KIAA0825: variants seen among roughly 807,000 people sequenced by gnomAD.
KIAA0825 encodes the protein KIAA0825, also known as uncharacterized protein KIAA0825.
In KIAA0825, 119 loss-of-function variants were observed where a neutral mutation model predicts 147.6. That is an observed-to-expected ratio of 0.81 (90% confidence interval 0.69 to 0.94). The LOEUF (loss-of-function observed/expected upper bound fraction) is 0.94. KIAA0825 is among the 40% of genes least tolerant of loss of function. The pLI is 0.00. For missense variants in KIAA0825, 1,381 were observed against 1,472.7 expected (o/e 0.94, Z 1.02); for synonymous variants, 470 against 518.1 (o/e 0.91, Z 1.26).
At chr5:94,181,223 A>G (rs1240057243) in intron 20 of KIAA0825, among the ~76,000 whole-genome samples, 3 of 152,222 alleles carry the variant, frequency 2.0e-5, no homozygotes, top group South Asian at 2.1e-4. Context: ...TGTGAGCATT[A>G]TATCTGGAAC....
intron 20 of KIAA0825, among the ~76,000 whole-genome samples, chr5:94,269,465 A>G (rs752858342): frequency 3.3e-5 from 5 of 152,168 alleles, no homozygotes; most frequent in Non-Finnish European, 5.9e-5. Context: ...TTCTCCAGTC[A>G]GAAGACACAG....
rs70975895 is a variant in KIAA0825, at chr5:94,190,491, A to ATT, written c.3711-36369_3711-36368dup. On this transcript the variant is annotated intron_variant, in intron 20 of 20. Transcript: ENST00000682413. ...CAGGCGCCCGCCACCACGCCCAGCTATTTTTTTTTTTTTTTTTTTTTTTGT... is the reference window on the plus strand; with the variant it reads ...CAGGCGCCCGCCACCACGCCCAGCTATTTTTTTTTTTTTTTTTTTTTTTTTGT... Among the ~76,000 whole-genome samples the ATT allele has an allele frequency of 8.8e-3, 936 of 106,120 alleles. 11 individuals carry two copies. Among genetic ancestry groups the ATT allele is most frequent in the South Asian group, 0.025 (79 of 3,160 alleles). 69.6% of individuals were successfully genotyped at this position (106,120 alleles called of 152,430 possible).
intron 5 of KIAA0825, among the ~76,000 whole-genome samples, chr5:94,488,594 A>C (rs1053617223): frequency 6.6e-6 from 1 of 152,078 alleles, no homozygotes; most frequent in East Asian, 1.9e-4. Flanking sequence ...CTAATATGCA[A>C]TATAAAATAT....
At chr5:94,382,087 A>C (rs1016934399) in intron 20 of KIAA0825, among the ~76,000 whole-genome samples, 16 of 152,242 alleles carry the variant, frequency 1.1e-4, no homozygotes, top group Non-Finnish European at 2.4e-4. Context: ...TTACCAATAA[A>C]AGGAGCAAAA....
chr5:94,473,621 T>TGAA, intron 7 of KIAA0825, 102 bp from the exon 8 acceptor site: 8 of 779,440 alleles, frequency 1.0e-5, no homozygotes, highest in Non-Finnish European at 1.6e-5. Flanking sequence ...ACATGTTGAA[T>TGAA]ATATTCTTTG....
At chr5:94,376,350 C>T (rs1747572860) in intron 20 of KIAA0825, among the ~76,000 whole-genome samples, 1 of 152,090 alleles carries the variant, frequency 6.6e-6, no homozygotes, top group Non-Finnish European at 1.5e-5. Context: ...TGTCCGTGAC[C>T]TTGGGCATGT....
intron 20 of KIAA0825, among the ~76,000 whole-genome samples, chr5:94,286,186 T>C (rs994520209): frequency 6.6e-6 from 1 of 152,122 alleles, no homozygotes; most frequent in Non-Finnish European, 1.5e-5. Context: ...CTGACAACAC[T>C]CATTTGTTTC....
intron 20 of KIAA0825, among the ~76,000 whole-genome samples, chr5:94,259,817 T>C (rs1167719973): frequency 6.6e-6 from 1 of 151,908 alleles, no homozygotes; most frequent in Non-Finnish European, 1.5e-5. Context: ...AATATATTAC[T>C]ATGCATAATC....
intron 20 of KIAA0825, among the ~76,000 whole-genome samples, chr5:94,353,170 CT>C (rs1267355580): frequency 4.6e-5 from 7 of 152,060 alleles, no homozygotes; most frequent in African/African-American, 1.4e-4. Flanking sequence ...CAATTAGCTA[CT>C]TTTTTTAAAA....
chr5:94,232,479 A>G (rs1190194571), intron 20 of KIAA0825, among the ~76,000 whole-genome samples: 3 of 152,066 alleles, frequency 2.0e-5, no homozygotes, highest in African/African-American at 7.2e-5. Flanking sequence ...TCTTATTTGT[A>G]TTGACTTCTG....
chr5:94,492,080 G>A (rs142516483), intron 5 of KIAA0825, among the ~76,000 whole-genome samples: 6 of 152,268 alleles, frequency 3.9e-5, no homozygotes, highest in Non-Finnish European at 7.4e-5. Context: ...ACTCTTAGAA[G>A]CTAAAAGTTG....
chr5:94,371,223 A>G (rs1278818220), intron 20 of KIAA0825, among the ~76,000 whole-genome samples: 2 of 152,202 alleles, frequency 1.3e-5, no homozygotes, highest in Non-Finnish European at 2.9e-5. Flanking sequence ...GGAGAAAAAA[A>G]GCTCAGGTTT....
At chr5:94,406,903 G>A (rs1413784967) in intron 15 of KIAA0825, among the ~76,000 whole-genome samples, 1 of 152,162 alleles carries the variant, frequency 6.6e-6, no homozygotes, top group African/African-American at 2.4e-5. Context: ...CCCTGGAAGA[G>A]CACTGTTCAC....
intron 3 of KIAA0825, among the ~76,000 whole-genome samples, chr5:94,527,656 A>T (rs1231184829): frequency 6.6e-6 from 1 of 152,088 alleles, no homozygotes; most frequent in Non-Finnish European, 1.5e-5. Flanking sequence ...CCACAAAATA[A>T]GTTCAACTTA....
At chr5:94,267,362 A>G (rs1352000470) in intron 20 of KIAA0825, among the ~76,000 whole-genome samples, 1 of 152,242 alleles carries the variant, frequency 6.6e-6, no homozygotes, top group Non-Finnish European at 1.5e-5. Flanking sequence ...AGCACTCTGT[A>G]CTGGAGCATC....
chr5:94,183,149 A>G (rs767481651), intron 20 of KIAA0825, among the ~76,000 whole-genome samples: 3 of 152,178 alleles, frequency 2.0e-5, no homozygotes, highest in Admixed American at 6.5e-5. Flanking sequence ...TCTTTACACT[A>G]TTCCTCATCA....
At chr5:94,528,297 T>A (rs945284463) in intron 3 of KIAA0825, among the ~76,000 whole-genome samples, 1 of 152,310 alleles carries the variant, frequency 6.6e-6, no homozygotes, top group South Asian at 2.1e-4. Context: ...TTAACCCACC[T>A]TTTGTTCAGA....
intron 5 of KIAA0825, among the ~76,000 whole-genome samples, chr5:94,487,590 T>G (rs144163278): frequency 1.8e-3 from 276 of 152,320 alleles, no homozygotes; most frequent in African/African-American, 6.3e-3. Context: ...CTTAAACTCT[T>G]ATTGTTAACA....
intron 16 of KIAA0825, among the ~76,000 whole-genome samples, chr5:94,397,142 T>C (rs1341256418): frequency 1.3e-5 from 2 of 152,156 alleles, no homozygotes; most frequent in African/African-American, 4.8e-5. Context: ...GTCACCCTCT[T>C]CTAAACTATA....
Sources: allele counts gnomAD v4.1 joint callset (sites outside exome capture counted in the v4.1 genomes callset), GRCh38; gene constraint gnomAD v4.1.1; transcripts MANE v1.5; gene names NCBI Gene and HGNC (gene_info 2026-07-23, HGNC 2026-07-21).